SPTAN1: variants seen among roughly 807,000 people sequenced by gnomAD.
SPTAN1 encodes the protein spectrin alpha chain, non-erythrocytic 1.
SPTAN1 carries 61 observed loss-of-function variants against 331.3 expected under a neutral mutation model. The observed-to-expected ratio is 0.18, with a 90% CI of 0.15 to 0.23. SPTAN1 has a LOEUF of 0.23. Ranked by LOEUF, SPTAN1 falls within the 10% of genes least tolerant of loss-of-function variation. The pLI, the probability that SPTAN1 is intolerant of heterozygous loss-of-function variation, is 1.00. For synonymous variants in SPTAN1, 1,153 were observed against 1,173.9 expected, an observed-to-expected ratio of 0.98 and a Z score of 0.36; for missense variants, 2,043 against 3,147.9, an observed-to-expected ratio of 0.65 and a Z score of 8.40.
In SPTAN1 at chr9:128,625,993, A is replaced by G; in HGVS notation, c.6279+15A>G. 3.7e-6 allele frequency: 6 copies of G among 1,613,050 alleles called. No individual in the cohort carries two copies. The highest frequency in any genetic ancestry group is 5.1e-6 in the Non-Finnish European group (6 of 1,179,386). On this transcript the variant is annotated intron_variant, in intron 48 of 56. Transcript: ENST00000372739. The surrounding 1 kb of genome is among the most constrained non-coding windows in gnomAD (Gnocchi z 4.1). ...ACTTCCGCAAGGTGAGGATGGGGCC[A>G]CGTGAAGCTTAGCTGGCCCACAGCT...
chr9:128,610,296 G>A (rs901724237), intron 37 of SPTAN1, among the ~76,000 whole-genome samples: 19 of 152,220 alleles, frequency 1.2e-4, no homozygotes, highest in African/African-American at 4.6e-4. Flanking sequence ...AAGAAATGAA[G>A]ATAGAGAAGA....
chr9:128,564,572 C>T lies in SPTAN1; in HGVS notation c.-3-2166C>T, dbSNP rs535272801. 7.9e-3 allele frequency among the ~76,000 whole-genome samples: 710 copies of T among 89,828 alleles called. 12 individuals carry two copies. Among genetic ancestry groups the T allele is most frequent in the African/African-American group, 0.028 (677 of 24,324 alleles). The allele number at this position is 89,828 out of a possible 152,430, so 58.9% of individuals were successfully genotyped here. A position where few individuals can be genotyped will look rare whatever the true frequency, so the allele number is the denominator to read the frequency against. ...CCTGGGCAGCAAAATAAGGTCCTGT[C>T]TCAAAAACAAATAAATAAATAAATA... On this transcript the variant is annotated intron_variant, in intron 1 of 56. Coordinates refer to ENST00000372739, the MANE Select transcript of SPTAN1 (RefSeq NM_001130438.3).
Position 128,583,845 on chromosome 9 carries a change from T to C in SPTAN1, c.2069T>C (p.Ile690Thr), listed in dbSNP as rs770314406. 1.9e-6 allele frequency: 3 copies of C among 1,614,220 alleles called. No homozygotes were observed. The highest frequency in any genetic ancestry group is 1.3e-5 in the African/African-American group (1 of 75,054). ...QQQFNRNVED[I>T]ELWLYEVEGH... ...CAATTTAATCGCAATGTTGAGGATA[T>C]TGAATTGTGGCTATATGAAGTAGAA... Residue 690 changes from isoleucine (I) to threonine (T), a missense_variant, in exon 16 of 57, where the codon ATT (isoleucine) becomes ACT (threonine). Ile to Thr is a moderately conservative substitution (Grantham distance 89). Around this residue, in one of 12 missense-constraint regions of SPTAN1, gnomAD observed 1,038 missense variants for 1,531.5 expected, o/e 0.68. Coordinates refer to ENST00000372739, the MANE Select transcript of SPTAN1 (RefSeq NM_001130438.3).
chr9:128,633,360 C>T lies in SPTAN1; in HGVS notation c.*26C>T, dbSNP rs369663978. The T allele has an allele frequency of 2.3e-5, 37 of 1,613,424 alleles. No individual in the cohort carries two copies. Among genetic ancestry groups the T allele is most frequent in the South Asian group, 1.6e-4 (15 of 91,078 alleles). Reference sequence around the variant, plus strand: ...GCCACTCCCTGGGTCACCCACCCCTCGCTGCTTGCCCTGCGTCGCCTTGCT... The same window carrying T: ...GCCACTCCCTGGGTCACCCACCCCTTGCTGCTTGCCCTGCGTCGCCTTGCT... On this transcript the variant is annotated 3_prime_UTR_variant, in exon 57 of 57. Coordinates refer to ENST00000372739, the MANE Select transcript of SPTAN1 (RefSeq NM_001130438.3).
chr9:128,590,097 T>G (rs954493037), intron 21 of SPTAN1, among the ~76,000 whole-genome samples: 48 of 152,328 alleles, frequency 3.2e-4, no homozygotes, highest in Middle Eastern at 6.8e-3. Context: ...CTGCCTTCTG[T>G]TTTAGTTAAG....
chr9:128,578,976 A>C (rs994090778), intron 9 of SPTAN1, among the ~76,000 whole-genome samples: 2 of 152,218 alleles, frequency 1.3e-5, no homozygotes, highest in Non-Finnish European at 2.9e-5. Context: ...CAGAAAATAT[A>C]AAGTACTTAG....
At chr9:128,628,205 G>A (rs1589398050) in intron 51 of SPTAN1, 1 of 645,724 alleles carries the variant, frequency 1.5e-6, no homozygotes, top group Non-Finnish European at 2.9e-6. Flanking sequence ...CTTTGGGTAG[G>A]GAAGGTGATG....
chr9:128,617,036 G>T (rs1228973605), intron 41 of SPTAN1, among the ~76,000 whole-genome samples: 3 of 152,078 alleles, frequency 2.0e-5, no homozygotes, highest in Non-Finnish European at 4.4e-5. Flanking sequence ...CCAAGAGTTT[G>T]AGACCAGCCT....
Position 128,584,285 on chromosome 9 carries a change from C to A in SPTAN1, c.2197C>A (p.Arg733=). 1.2e-6 allele frequency: 2 copies of A among 1,614,120 alleles called. No homozygotes were observed. Among genetic ancestry groups the A allele is most frequent in the South Asian group, 2.2e-5 (2 of 91,064 alleles). ...LEADVAAHQD[R]IDGITIQARQ... ...CTCTGTCCTTTTGCATTCCCAGGAC[C>A]GAATTGATGGCATCACCATTCAGGC... The change falls in exon 17 of 57, where the codon CGA becomes AGA. Residue 733 remains arginine (R), a synonymous_variant. Coordinates refer to ENST00000372739, the MANE Select transcript of SPTAN1 (RefSeq NM_001130438.3).
chr9:128,574,393 A>G (rs888146768), intron 3 of SPTAN1, among the ~76,000 whole-genome samples: 2 of 150,406 alleles, frequency 1.3e-5, no homozygotes, highest in African/African-American at 4.9e-5. Context: ...AATATAAATG[A>G]TAATGATTTT....
rs1195211572 is a variant in SPTAN1, at chr9:128,552,756, G to A, written c.-4+60G>A. The stretch of plus-strand genomic sequence containing the variant: ...CGGGGCCCCGGGCAGCCGACCCCCG[G>A]GTGGGAGCTGGGCAGCTCTTCAGGC... On this transcript the variant is annotated intron_variant, in intron 1 of 56. Transcript: ENST00000372739. The surrounding 1 kb of genome is among the most constrained non-coding windows in gnomAD (Gnocchi z 4.6). The A allele has an allele frequency of 6.6e-6, 1 of 151,810 alleles. No homozygotes were observed. Among genetic ancestry groups the A allele is most frequent in the Non-Finnish European group, 1.5e-5 (1 of 67,964 alleles). The allele number at this position is 151,810 out of a possible 1,614,324, so 9.4% of individuals were successfully genotyped here. A position where few individuals can be genotyped will look rare whatever the true frequency, so the allele number is the denominator to read the frequency against.
In SPTAN1 at chr9:128,614,957, A is replaced by G. The variant is rs76011388; in HGVS notation, c.5149-675A>G. 6.1e-3 allele frequency among the ~76,000 whole-genome samples: 931 copies of G among 152,308 alleles called. 8 individuals are homozygous for G. The highest frequency in any genetic ancestry group is 0.021 in the African/African-American group (862 of 41,558). ...TGCTTCACTGAGTTATGCCTGTTCT[A>G]TATGTTGACACATGTGATTATATGA... On this transcript the variant is annotated intron_variant, in intron 40 of 56. Transcript: ENST00000372739.
chr9:128,588,694 A>C, intron 20 of SPTAN1, 115 bp from the exon 21 acceptor site: 1 of 1,418,974 alleles, frequency 7.0e-7, no homozygotes, highest in East Asian at 2.3e-5. Context: ...AAGAATTCTC[A>C]TGAGTGTATA....
chr9:128,618,291 G>A (rs989544007), intron 43 of SPTAN1, among the ~76,000 whole-genome samples, 183 bp downstream of exon 43: 3 of 152,044 alleles, frequency 2.0e-5, no homozygotes, highest in Non-Finnish European at 4.4e-5. Context: ...GTCTCATTCT[G>A]TTCATCTGGA....
chr9:128,624,803 A>C, intron 46 of SPTAN1: 1 of 561,678 alleles, frequency 1.8e-6, no homozygotes, highest in Non-Finnish European at 3.2e-6. Context: ...TGCCCTGGTC[A>C]GGGGCGCCAC....
intron 52 of SPTAN1, chr9:128,630,709 T>A (rs897562754): frequency 3.3e-6 from 1 of 304,798 alleles, no homozygotes; most frequent in Non-Finnish European, 6.4e-6. Flanking sequence ...TGTTTATTTT[T>A]AATTATCTTT....
Position 128,633,542 on chromosome 9 carries a change from C to A in SPTAN1, c.*208C>A. On this transcript the variant is annotated 3_prime_UTR_variant, in exon 57 of 57. Coordinates refer to ENST00000372739, the MANE Select transcript of SPTAN1 (RefSeq NM_001130438.3). ...GGGGACCCAGATCTGTGTCTTGAAG[C>A]AGCTGCCCTCATTCCGACTTCAGAA... 9.4e-7 allele frequency: 1 copy of A among 1,068,496 alleles called. No homozygotes were observed. The highest frequency in any genetic ancestry group is 1.4e-6 in the Non-Finnish European group (1 of 725,754). The allele number at this position is 1,068,496 out of a possible 1,614,324, so 66.2% of individuals were successfully genotyped here.
chr9:128,619,406 C>G (rs1429179763), intron 44 of SPTAN1, among the ~76,000 whole-genome samples: 1 of 152,200 alleles, frequency 6.6e-6, no homozygotes, highest in Non-Finnish European at 1.5e-5. Context: ...GGCCAGAAGT[C>G]TGAAATCAAG....
rs1474443922 is a variant in SPTAN1 at position 128,588,954 on chromosome 9, G to A, written c.3006+11G>A. ...AACAGCACCAACAAGGCAAGGCACAGAGAGTGGCTGTGTGTTTGTTCCACG... is the reference window on the plus strand; with the variant it reads ...AACAGCACCAACAAGGCAAGGCACAAAGAGTGGCTGTGTGTTTGTTCCACG... On this transcript the variant is annotated intron_variant, in intron 21 of 56. Transcript: ENST00000372739. The A allele has an allele frequency of 6.2e-7, 1 of 1,613,664 alleles. No individual in the cohort carries two copies. Among genetic ancestry groups the A allele is most frequent in the Admixed American group, 1.7e-5 (1 of 59,984 alleles).
Sources: allele counts gnomAD v4.1 joint callset (sites outside exome capture counted in the v4.1 genomes callset), GRCh38; gene constraint gnomAD v4.1.1; regional missense constraint gnomAD v4.1.1; non-coding constraint Gnocchi (gnomAD v3.1); transcripts MANE v1.5; gene names NCBI Gene and HGNC (gene_info 2026-07-23, HGNC 2026-07-21).